CCS: variants seen among roughly 807,000 people sequenced by gnomAD.
CCS encodes the protein copper chaperone for superoxide dismutase.
In CCS, 32 loss-of-function variants were observed where a neutral mutation model predicts 35.5. That is an observed-to-expected ratio of 0.90 (90% CI 0.68 to 1.21). The LOEUF (loss-of-function observed/expected upper bound fraction) is 1.21, where lower values mean the gene tolerates loss of function less well. Ranked by LOEUF, CCS falls within the 50% of genes most tolerant of loss-of-function variation. The pLI is 0.00. For missense variants in CCS, 342 were observed against 375.4 expected (o/e 0.91, Z 0.73); for synonymous variants, 130 against 147.2 (o/e 0.88, Z 0.84).
intron 2 of CCS, among the ~76,000 whole-genome samples, chr11:66,597,069 A>G (rs1858488980): frequency 6.6e-6 from 1 of 152,240 alleles, no homozygotes; most frequent in Admixed American, 6.5e-5. Flanking sequence ...TAAGACAGGT[A>G]AAACACAGGA....
chr11:66,600,760 C>G (rs1301970255), intron 5 of CCS, among the ~76,000 whole-genome samples: 2 of 152,176 alleles, frequency 1.3e-5, no homozygotes, highest in African/African-American at 4.8e-5. Context: ...GTGCCTGACC[C>G]AAGGAGCACA....
chr11:66,602,471 T>TGA (rs1858587248), intron 5 of CCS, among the ~76,000 whole-genome samples: 1 of 152,162 alleles, frequency 6.6e-6, no homozygotes, highest in Non-Finnish European at 1.5e-5. Flanking sequence ...AGATTGAGAT[T>TGA]GAGAGAGGGC....
intron 5 of CCS, among the ~76,000 whole-genome samples, chr11:66,601,513 C>T (rs570846964): frequency 6.6e-6 from 1 of 152,166 alleles, no homozygotes; most frequent in South Asian, 2.1e-4. Context: ...GCTCTGTTAC[C>T]TATCATGCTT....
chr11:66,593,490 T>C, intron 1 of CCS, 152 bp from the exon 2 acceptor site: 1 of 943,450 alleles, frequency 1.1e-6, no homozygotes, highest in Non-Finnish European at 1.6e-6. Context: ...GGTCCTGGAA[T>C]GGTCATGAGA....
At chr11:66,594,774 C>CAAAAA (rs992030660) in intron 2 of CCS, among the ~76,000 whole-genome samples, 3 of 65,026 alleles carry the variant, frequency 4.6e-5, no homozygotes, top group Non-Finnish European at 6.3e-5. Flanking sequence ...GACCCTCTCT[C>CAAAAA]AAAAAAAAAA....
rs915507556 is a variant in CCS at position 66,604,005 on chromosome 11, G to A, written c.490-1334G>A. On this transcript the variant is annotated intron_variant, in intron 5 of 7. Coordinates refer to ENST00000533244, the MANE Select transcript of CCS (RefSeq NM_005125.2). ...GATCGCACCACTGCACTCCAGCCTG[G>A]GCAACAGAGTGAGACTCTGTCTCAA... Among the ~76,000 whole-genome samples, 6 of 151,584 alleles carry A rather than the reference G, an allele frequency of 4.0e-5. No homozygotes were observed. In the East Asian group the frequency reaches 1.2e-3, roughly 29 times the overall value.
chr11:66,593,326 C>T, intron 1 of CCS, 26 bp downstream of exon 1: 3 of 1,500,510 alleles, frequency 2.0e-6, no homozygotes, highest in Non-Finnish European at 1.8e-6. Flanking sequence ...TCGTGTGGAG[C>T]CTCGCCGGGC....
At chr11:66,600,164 C>T (rs1383577945) in intron 4 of CCS, 1 of 238,010 alleles carries the variant, frequency 4.2e-6, no homozygotes, top group Non-Finnish European at 8.0e-6. Flanking sequence ...TCTTGAAGGT[C>T]CTGCTTATAA....
chr11:66,599,518 C>T lies in CCS; in HGVS notation c.310C>T (p.Arg104Cys), dbSNP rs371247817. 7.6e-6 allele frequency: 12 copies of T among 1,585,544 alleles called. No homozygotes were observed. Among genetic ancestry groups the T allele is most frequent in the East Asian group, 2.3e-5 (1 of 44,152 alleles). The change falls in exon 4 of 8, where the codon CGC becomes TGC. Residue 104 changes from arginine (R) to cysteine (C), a missense_variant. Coordinates refer to ENST00000533244, the MANE Select transcript of CCS (RefSeq NM_005125.2). ...GGPGTVQGVV[R>C]FLQLTPERCL... Reference sequence around the variant, plus strand: ...GCCTGGCACCGTGCAGGGGGTGGTGCGCTTCCTACAGCTGACCCCTGAGCG... The same window carrying T: ...GCCTGGCACCGTGCAGGGGGTGGTGTGCTTCCTACAGCTGACCCCTGAGCG...
intron 2 of CCS, among the ~76,000 whole-genome samples, chr11:66,595,863 A>G (rs1858468268): frequency 6.6e-6 from 1 of 152,172 alleles, no homozygotes; most frequent in South Asian, 2.1e-4. Flanking sequence ...CCACTTCAGG[A>G]GCAGAGAATC....
At chr11:66,599,053 T>G in intron 2 of CCS, 63 bp from the exon 3 acceptor site, 9 of 1,604,834 alleles carry the variant, frequency 5.6e-6, no homozygotes, top group Non-Finnish European at 7.7e-6. Context: ...TCTGTTTTTC[T>G]GTTCCCTGCT....
chr11:66,593,594 C>T (rs376776159), intron 1 of CCS, 48 bp from the exon 2 acceptor site: 25 of 1,592,594 alleles, frequency 1.6e-5, no homozygotes, highest in East Asian at 1.4e-4. Flanking sequence ...AAAGTCATAC[C>T]AAGGCACTTC....
intron 1 of CCS, 116 bp downstream of exon 1, chr11:66,593,416 T>C (rs1341315933): frequency 1.7e-6 from 2 of 1,188,336 alleles, no homozygotes; most frequent in Non-Finnish European, 2.3e-6. Flanking sequence ...CCTGGGGCCA[T>C]GGGATGAAAC....
At chr11:66,594,934 A>C (rs953037358) in intron 2 of CCS, among the ~76,000 whole-genome samples, 1 of 152,190 alleles carries the variant, frequency 6.6e-6, no homozygotes, top group Admixed American at 6.5e-5. Flanking sequence ...CATTCGCAGA[A>C]TGCTTCGTGG....
intron 2 of CCS, among the ~76,000 whole-genome samples, chr11:66,595,413 C>T (rs11227539): frequency 0.023 from 3,513 of 152,134 alleles, 146 homozygotes; most frequent in East Asian, 0.14. Flanking sequence ...CTCTTGGACC[C>T]GGAGCAGTTT....
chr11:66,599,337 C>A, intron 3 of CCS, 84 bp downstream of exon 3: 1 of 1,508,478 alleles, frequency 6.6e-7, no homozygotes, highest in Middle Eastern at 2.2e-4. Context: ...TTCTCAGGCT[C>A]TGGGTTGGAG....
rs1430719934 is a variant in CCS at position 66,593,690 on chromosome 11, C to T, written c.88C>T (p.Arg30Cys). ...CTGTCAGAGCTGTGTGGACGCGGTG[C>T]GCAAATCCCTGCAAGGGGTGGCAGG... ...MTCQSCVDAVRKSLQGVAGVQ... is the reference protein window; with the variant it reads ...MTCQSCVDAVCKSLQGVAGVQ... Residue 30 changes from arginine to cysteine, a missense_variant, in exon 2 of 8, where the codon CGC becomes TGC. Transcript: ENST00000533244. The T allele has an allele frequency of 3.1e-6, 5 of 1,613,966 alleles. No individual in the cohort carries two copies. Among genetic ancestry groups the T allele is most frequent in the South Asian group, 2.2e-5 (2 of 91,060 alleles).
intron 2 of CCS, among the ~76,000 whole-genome samples, chr11:66,597,212 A>C (rs1173908176): frequency 6.6e-6 from 1 of 152,176 alleles, no homozygotes; most frequent in Non-Finnish European, 1.5e-5. Context: ...TAATTCCAGC[A>C]CTTTGGGAGG....
intron 1 of CCS, 125 bp from the exon 2 acceptor site, chr11:66,593,517 C>T (rs1424612424): frequency 9.4e-7 from 1 of 1,064,302 alleles, no homozygotes; most frequent in Non-Finnish European, 1.4e-6. Context: ...GAAGAAGGTG[C>T]TTGAAGAGGG....
Sources: allele counts gnomAD v4.1 joint callset (sites outside exome capture counted in the v4.1 genomes callset), GRCh38; gene constraint gnomAD v4.1.1; transcripts MANE v1.5; gene names NCBI Gene and HGNC (gene_info 2026-07-23, HGNC 2026-07-21).